Variants in ADGRB3 observed in about 807,000 individuals in gnomAD.
The protein encoded by ADGRB3 is adhesion G protein-coupled receptor B3, also known as brain-specific angiogenesis inhibitor 3.
In ADGRB3, 37 loss-of-function variants were observed where a neutral mutation model predicts 193.4. The ratio of observed to expected loss-of-function variants is 0.19; its 90% confidence interval spans 0.15 to 0.25. The LOEUF (loss-of-function observed/expected upper bound fraction) is 0.25. Among genes scored for constraint, ADGRB3 ranks in the 10% least tolerant of loss-of-function variants. The probability of loss-of-function intolerance (pLI) is 1.00; values close to 1 mark genes in which losing one functional copy is unlikely to be tolerated. For missense variants in ADGRB3, 1,637 were observed against 1,852.9 expected (o/e 0.88, Z 2.14); for synonymous variants, 690 against 644.2 (o/e 1.07, Z -1.08).
At chr6:68,706,662 TAGAATAGTATGAGACATACAAGTTCTG>T (rs1042128571) in intron 3 of ADGRB3, among the ~76,000 whole-genome samples, 2 of 152,216 alleles carry the variant, frequency 1.3e-5, no homozygotes, top group Admixed American at 1.3e-4. Context: ...TTGTCTGCTG[TAGAATAGTATGAGACATACAAGTTCTG>T]AGAATAAGTT....
At chr6:69,177,035 C>G (rs968331835) in intron 17 of ADGRB3, among the ~76,000 whole-genome samples, 1 of 152,124 alleles carries the variant, frequency 6.6e-6, no homozygotes, top group South Asian at 2.1e-4. Context: ...TCTAACTTAG[C>G]TAGCAATCTG....
intron 3 of ADGRB3, among the ~76,000 whole-genome samples, chr6:68,757,486 G>C (rs1766318484): frequency 6.6e-6 from 1 of 151,950 alleles, no homozygotes; most frequent in Admixed American, 6.6e-5. Context: ...TTTTCTACCA[G>C]ACTATTGATT....
rs1024868120 is a variant in ADGRB3, at chr6:69,323,513, T to C, written c.2815-1359T>C. On this transcript the variant is annotated intron_variant, in intron 20 of 31. Coordinates refer to ENST00000370598, the MANE Select transcript of ADGRB3 (RefSeq NM_001704.3). ...GAAGTTTTCAAGTATTCCATGATTT[T>C]ATCATTTTTATAAGCAGAAACAAGT... 8.5e-5 allele frequency among the ~76,000 whole-genome samples: 13 copies of C among 152,206 alleles called. No individual in the cohort carries two copies. In the East Asian group the frequency reaches 2.1e-3, roughly 25 times the overall value.
intron 3 of ADGRB3, among the ~76,000 whole-genome samples, chr6:68,766,889 T>A (rs911810178): frequency 7.9e-5 from 12 of 152,096 alleles, no homozygotes; most frequent in African/African-American, 2.9e-4. Context: ...TGAAATTTGT[T>A]TATGAGACAA....
chr6:69,031,568 C>CTTTCTTTCTTTCTTTCTTTCT (rs1470963236), intron 13 of ADGRB3, among the ~76,000 whole-genome samples: 1 of 2,756 alleles, frequency 3.6e-4, no homozygotes, highest in Non-Finnish European at 1.0e-3. Flanking sequence ...TCTTTCTTTT[C>CTTTCTTTCTTTCTTTCTTTCT]TTCCTCTGTC....
At chr6:68,928,275 C>T (rs1179529956) in intron 3 of ADGRB3, among the ~76,000 whole-genome samples, 1 of 152,060 alleles carries the variant, frequency 6.6e-6, no homozygotes, top group Non-Finnish European at 1.5e-5. Flanking sequence ...CCTGCAATCC[C>T]AACAATTTGG....
chr6:69,107,860 G>C (rs1022097678), intron 17 of ADGRB3, among the ~76,000 whole-genome samples: 1 of 152,038 alleles, frequency 6.6e-6, no homozygotes, highest in Non-Finnish European at 1.5e-5. Context: ...GGGATATAAA[G>C]ATGGCAACAG....
chr6:69,203,208 A>G (rs1318889380), intron 17 of ADGRB3, among the ~76,000 whole-genome samples: 3 of 152,170 alleles, frequency 2.0e-5, no homozygotes, highest in Non-Finnish European at 2.9e-5. Context: ...GTTTTAAATC[A>G]TACCTTAATC....
intron 11 of ADGRB3, among the ~76,000 whole-genome samples, chr6:69,005,114 C>T (rs891848124): frequency 8.5e-5 from 13 of 152,056 alleles, no homozygotes; most frequent in African/African-American, 2.9e-4. Flanking sequence ...ATTTTTATAA[C>T]ATTGGGTGTT....
intron 3 of ADGRB3, among the ~76,000 whole-genome samples, chr6:68,898,012 A>G (rs1766288474): frequency 6.8e-6 from 1 of 147,896 alleles, no homozygotes; most frequent in South Asian, 2.1e-4. Flanking sequence ...AAATGTATAT[A>G]TATAGAGAGA....
intron 3 of ADGRB3, among the ~76,000 whole-genome samples, chr6:68,700,464 A>G (rs1256215689): frequency 6.6e-6 from 1 of 152,162 alleles, no homozygotes; most frequent in African/African-American, 2.4e-5. Context: ...GGATTTGGAA[A>G]GTATAAATGA....
At chr6:69,199,471 G>C (rs1216829199) in intron 17 of ADGRB3, among the ~76,000 whole-genome samples, 1 of 152,020 alleles carries the variant, frequency 6.6e-6, no homozygotes, top group Non-Finnish European at 1.5e-5. Flanking sequence ...AGTTCCTGGT[G>C]TATGATCATT....
chr6:68,814,707 C>T (rs971364859), intron 3 of ADGRB3, among the ~76,000 whole-genome samples: 3 of 152,104 alleles, frequency 2.0e-5, no homozygotes, highest in Admixed American at 6.6e-5. Flanking sequence ...AGACCAATAT[C>T]CCTGATGAAC....
chr6:69,271,616 A>C (rs1354865721), intron 20 of ADGRB3, among the ~76,000 whole-genome samples: 1 of 152,146 alleles, frequency 6.6e-6, no homozygotes, highest in Admixed American at 6.6e-5. Flanking sequence ...CTATTTAAAG[A>C]TATCTCATTT....
chr6:68,776,397 T>C (rs1448158122), intron 3 of ADGRB3, among the ~76,000 whole-genome samples: 1 of 152,182 alleles, frequency 6.6e-6, no homozygotes, highest in Non-Finnish European at 1.5e-5. Flanking sequence ...GGCTGAGGAA[T>C]AAACTAGGAA....
At chr6:68,938,247 T>A (rs965006093) in intron 5 of ADGRB3, among the ~76,000 whole-genome samples, 1 of 151,934 alleles carries the variant, frequency 6.6e-6, no homozygotes, top group African/African-American at 2.4e-5. Flanking sequence ...AAAAAATGTT[T>A]AAGGAGTTTG....
Position 69,219,489 on chromosome 6 carries a change from A to G in ADGRB3, c.2481-13801A>G, listed in dbSNP as rs905614782. Among the ~76,000 whole-genome samples the G allele has an allele frequency of 2.6e-4, 33 of 129,356 alleles. 2 individuals are homozygous for G. The highest frequency in any genetic ancestry group is 1.0e-3 in the African/African-American group (33 of 32,936). The allele number at this position is 129,356 out of a possible 152,430, so 84.9% of individuals were successfully genotyped here. A position where few individuals can be genotyped will look rare whatever the true frequency, so the allele number is the denominator to read the frequency against. Reference sequence around the variant, plus strand: ...TATATATATATATATATATATATATATATACGTGTGTGTGTATATAGGTAT... The same window carrying G: ...TATATATATATATATATATATATATGTATACGTGTGTGTGTATATAGGTAT... On this transcript the variant is annotated intron_variant, in intron 17 of 31. Transcript: ENST00000370598.
At chr6:68,984,646 G>C (rs1056758199) in intron 10 of ADGRB3, among the ~76,000 whole-genome samples, 1 of 151,952 alleles carries the variant, frequency 6.6e-6, no homozygotes, top group Non-Finnish European at 1.5e-5. Flanking sequence ...TTTTAAATGA[G>C]AAATATTATA....
chr6:69,065,749 C>T (rs528897825), intron 16 of ADGRB3, among the ~76,000 whole-genome samples: 88 of 100,528 alleles, frequency 8.8e-4, no homozygotes, highest in African/African-American at 2.5e-3. Flanking sequence ...CAAGCCTGAA[C>T]TTCATGTATA....
Sources: gnomAD v4.1 joint callset for allele counts (sites outside exome capture counted in the v4.1 genomes callset) on GRCh38, gnomAD v4.1.1 for gene constraint, MANE v1.5 for transcripts, NCBI Gene and HGNC (gene_info 2026-07-23, HGNC 2026-07-21) for gene names.